The following ADGRE1 variants were observed in gnomAD, a reference collection of about 807,000 sequenced individuals.
The protein encoded by ADGRE1 is EGF-like module receptor 1.
A neutral mutation model predicts 102.7 loss-of-function variants in ADGRE1; 82 were observed. The observed-to-expected ratio is 0.80, with a 90% CI of 0.67 to 0.96. The LOEUF is 0.96. Ranked by LOEUF, ADGRE1 falls within the 40% of genes least tolerant of loss-of-function variation. The pLI, the probability that ADGRE1 is intolerant of heterozygous loss-of-function variation, is 0.00. For synonymous variants in ADGRE1, 398 were observed against 399.6 expected, an observed-to-expected ratio of 1.00 and a Z score of 0.05; for missense variants, 1,032 against 1,085.3, an observed-to-expected ratio of 0.95 and a Z score of 0.69.
At chr19:6,894,161 C>T (rs982058515) in intron 2 of ADGRE1, among the ~76,000 whole-genome samples, 3 of 152,154 alleles carry the variant, frequency 2.0e-5, no homozygotes, top group Non-Finnish European at 2.9e-5. Flanking sequence ...ATTCCTCCTT[C>T]GCCATGGACC....
In ADGRE1 at chr19:6,908,722, A is replaced by G; in HGVS notation, c.1072A>G (p.Ser358Gly). 1 of 1,595,764 alleles carries G rather than the reference A, an allele frequency of 6.3e-7. No individual in the cohort carries two copies. The highest frequency in any genetic ancestry group is 8.5e-7 in the Non-Finnish European group (1 of 1,171,502). The change falls in exon 10 of 21, where the codon AGC becomes GGC. Residue 358 changes from serine (S) to glycine (G), a missense_variant. Ser to Gly is a moderately conservative substitution (Grantham distance 56, BLOSUM62 0). Transcript: ENST00000312053. ...SFCAQINNIFSVLDKVCENKT... is the reference protein window; with the variant it reads ...SFCAQINNIFGVLDKVCENKT... The stretch of plus-strand genomic sequence containing the variant: ...TTGTGCACAAATAAATAACATCTTC[A>G]GCGTTCTGGACAAAGTGTGTGAAAA...
chr19:6,908,721 C>G lies in ADGRE1; in HGVS notation c.1071C>G (p.Phe357Leu), dbSNP rs1406034618. 3 of 1,604,390 alleles carry G rather than the reference C, an allele frequency of 1.9e-6. No homozygotes were observed. Among genetic ancestry groups the G allele is most frequent in the Non-Finnish European group, 2.5e-6 (3 of 1,177,104 alleles). ...VSFCAQINNIFSVLDKVCENK... is the reference protein window; with the variant it reads ...VSFCAQINNILSVLDKVCENK... ...TTTGTGCACAAATAAATAACATCTT[C>G]AGCGTTCTGGACAAAGTGTGTGAAA... Residue 357 changes from phenylalanine (F) to leucine (L), a missense_variant, in exon 10 of 21, where the codon TTC becomes TTG. By Grantham distance (22) the Phe-to-Leu change is conservative. Transcript: ENST00000312053.
intron 2 of ADGRE1, among the ~76,000 whole-genome samples, chr19:6,891,946 C>T (rs536868390): frequency 3.9e-5 from 6 of 152,006 alleles, no homozygotes; most frequent in South Asian, 2.1e-4. Flanking sequence ...GAGGACCGAG[C>T]GAAGGTGAGT....
At chr19:6,922,470 C>G (rs978223976) in intron 14 of ADGRE1, among the ~76,000 whole-genome samples, 1 of 151,862 alleles carries the variant, frequency 6.6e-6, no homozygotes, top group Admixed American at 6.6e-5. Flanking sequence ...TAAAAATTAG[C>G]TGGGCATGGT....
At chr19:6,938,467 TG>T (rs1555719230) in intron 20 of ADGRE1, among the ~76,000 whole-genome samples, 1 of 78,096 alleles carries the variant, frequency 1.3e-5, no homozygotes, top group Admixed American at 1.3e-4. Flanking sequence ...AATATGCAAA[TG>T]GAGGCAAAGC....
intron 18 of ADGRE1, 50 bp downstream of exon 18, chr19:6,935,128 TC>T: frequency 6.8e-7 from 1 of 1,474,510 alleles, no homozygotes; most frequent in African/African-American, 1.4e-5. Flanking sequence ...TCTTTCTTCT[TC>T]CCAGAAAAGT....
intron 14 of ADGRE1, among the ~76,000 whole-genome samples, chr19:6,923,064 C>G (rs765873447): frequency 6.6e-6 from 1 of 150,492 alleles, no homozygotes; most frequent in Non-Finnish European, 1.5e-5. Flanking sequence ...GTGACAGAAC[C>G]AGACTCCGTC....
intron 17 of ADGRE1, among the ~76,000 whole-genome samples, chr19:6,931,811 A>G (rs1975165776): frequency 6.6e-6 from 1 of 152,036 alleles, no homozygotes; most frequent in Non-Finnish European, 1.5e-5. Context: ...AAAGAAAAAA[A>G]AAAAGGAACA....
intron 14 of ADGRE1, 75 bp downstream of exon 14, chr19:6,921,958 C>A: frequency 2.0e-6 from 3 of 1,503,688 alleles, no homozygotes; most frequent in Non-Finnish European, 2.7e-6. Flanking sequence ...GATTAAACAT[C>A]TGTTGTGTGT....
At chr19:6,934,393 C>T (rs1406912288) in intron 17 of ADGRE1, among the ~76,000 whole-genome samples, 1 of 149,348 alleles carries the variant, frequency 6.7e-6, no homozygotes, top group Non-Finnish European at 1.5e-5. Context: ...TGCTATAAAT[C>T]GTGGGTCAGA....
At chr19:6,926,138 T>G (rs1170734718) in intron 15 of ADGRE1, among the ~76,000 whole-genome samples, 1 of 152,226 alleles carries the variant, frequency 6.6e-6, no homozygotes. Flanking sequence ...CTGAAAGTCA[T>G]GCGTCTTGGG....
Position 6,937,312 on chromosome 19 carries a change from G to C in ADGRE1, c.2451G>C (p.Gln817His). 1.2e-6 allele frequency: 2 copies of C among 1,614,098 alleles called. No homozygotes were observed. The highest frequency in any genetic ancestry group is 2.2e-5 in the East Asian group (1 of 44,866). ...LGCSWVLGIF[Q>H]IGPVAGVMAY... ...GCTCCTGGGTGCTGGGCATTTTTCA[G>C]ATTGGACCTGTGGCAGGTGTCATGG... The change falls in exon 19 of 21, where the codon CAG becomes CAC. Residue 817 changes from glutamine (Q) to histidine (H), a missense_variant. Physicochemically the swap from Gln to His is conservative, Grantham distance 24. Coordinates refer to ENST00000312053, the MANE Select transcript of ADGRE1 (RefSeq NM_001974.5).
chr19:6,939,123 A>G (rs1442391781), intron 20 of ADGRE1, among the ~76,000 whole-genome samples: 1 of 152,060 alleles, frequency 6.6e-6, no homozygotes. Context: ...AGGAAACCGA[A>G]TGTCATAGAG....
intron 9 of ADGRE1, 80 bp downstream of exon 9, chr19:6,906,601 CA>C: frequency 7.4e-7 from 1 of 1,344,722 alleles, no homozygotes; most frequent in South Asian, 1.2e-5. Flanking sequence ...GCAGTTCTAA[CA>C]AAGGCAAAAG....
chr19:6,905,179 C>G (rs567230113), intron 8 of ADGRE1, among the ~76,000 whole-genome samples: 17 of 151,926 alleles, frequency 1.1e-4, no homozygotes, highest in South Asian at 8.3e-4. Context: ...TCCGTCTCCA[C>G]AAAAAATAAT....
At chr19:6,919,118 C>T (rs541878596) in intron 12 of ADGRE1, among the ~76,000 whole-genome samples, 2 of 152,154 alleles carry the variant, frequency 1.3e-5, no homozygotes, top group African/African-American at 2.4e-5. Flanking sequence ...CTGCAATCTC[C>T]GCCTCCCGGG....
chr19:6,913,632 C>G (rs754146036), intron 10 of ADGRE1, 21 bp from the exon 11 acceptor site: 3 of 1,550,558 alleles, frequency 1.9e-6, no homozygotes, highest in Non-Finnish European at 1.7e-6. Flanking sequence ...AGAGAATGAA[C>G]AAACACATCT....
chr19:6,911,688 C>A (rs544535448), intron 10 of ADGRE1, among the ~76,000 whole-genome samples: 7 of 151,288 alleles, frequency 4.6e-5, no homozygotes, highest in Non-Finnish European at 1.0e-4. Flanking sequence ...AATACATACA[C>A]GTATACACAC....
At chr19:6,924,378 G>A (rs1212807112) in intron 14 of ADGRE1, among the ~76,000 whole-genome samples, 1 of 152,130 alleles carries the variant, frequency 6.6e-6, no homozygotes, top group Admixed American at 6.6e-5. Flanking sequence ...TATCTCACTG[G>A]AGAACTTAAA....
Sources: allele counts gnomAD v4.1 joint callset (sites outside exome capture counted in the v4.1 genomes callset), GRCh38; gene constraint gnomAD v4.1.1; transcripts MANE v1.5; gene names NCBI Gene and HGNC (gene_info 2026-07-23, HGNC 2026-07-21).